Variants in TMEM154 observed in about 807,000 individuals in gnomAD.
The protein encoded by TMEM154 is transmembrane protein 154.
A neutral mutation model predicts 24.5 loss-of-function variants in TMEM154; 27 were observed. That is an observed-to-expected ratio of 1.10 (90% confidence interval 0.81 to 1.52). The LOEUF (loss-of-function observed/expected upper bound fraction) is 1.52, where lower values mean the gene tolerates loss of function less well. TMEM154 is among the 40% of genes most tolerant of loss of function. The pLI is 0.00. For missense variants in TMEM154, 228 were observed against 213.4 expected, an observed-to-expected ratio of 1.07 and a Z score of -0.43; for synonymous variants, 67 against 76.8, an observed-to-expected ratio of 0.87 and a Z score of 0.67.
chr4:152,647,173 C>T, intron 3 of TMEM154: 1 of 983,458 alleles, frequency 1.0e-6, no homozygotes, highest in Non-Finnish European at 1.2e-6. Context: ...GTATAACAGA[C>T]CAGGCTCTAC....
In TMEM154 at chr4:152,679,749, C is replaced by A. The variant is rs540530305; in HGVS notation, c.64+121G>T. ...AAAGGAGTTCTAATTTTCTCCACTT[C>A]TTTCACAGAAAGGATTAGATTTTCT... is the stretch of plus-strand genomic sequence containing the variant. On this transcript the variant is annotated intron_variant, in intron 1 of 6. Transcript: ENST00000304385. 6.7e-4 allele frequency: 958 copies of A among 1,429,610 alleles called. 2 individuals are homozygous for A. The highest frequency in any genetic ancestry group is 8.8e-4 in the Non-Finnish European group (912 of 1,036,882). The allele number at this position is 1,429,610 out of a possible 1,614,324, so 88.6% of individuals were successfully genotyped here.
chr4:152,634,224 A>G (rs1406654916), intron 6 of TMEM154, among the ~76,000 whole-genome samples: 4 of 152,136 alleles, frequency 2.6e-5, no homozygotes, highest in Non-Finnish European at 5.9e-5. Flanking sequence ...TTGTTTCATA[A>G]TTGCCCCTTT....
At chr4:152,629,236 A>T (rs1193976382) in intron 6 of TMEM154, among the ~76,000 whole-genome samples, 1 of 152,136 alleles carries the variant, frequency 6.6e-6, no homozygotes, top group Non-Finnish European at 1.5e-5. Context: ...ATACGTGCCA[A>T]ATTGCCTTTT....
chr4:152,670,489 G>A (rs1308548016), intron 1 of TMEM154, among the ~76,000 whole-genome samples: 1 of 152,052 alleles, frequency 6.6e-6, no homozygotes, highest in South Asian at 2.1e-4. Context: ...CCAGCTACTC[G>A]GGAGGCTGAG....
At chr4:152,650,506 C>G (rs746251862) in intron 3 of TMEM154, among the ~76,000 whole-genome samples, 22 of 152,280 alleles carry the variant, frequency 1.4e-4, no homozygotes, top group Non-Finnish European at 3.1e-4. Context: ...TTCTTTCTAC[C>G]ACATCTGCAG....
chr4:152,667,538 T>TA (rs1269076825), intron 1 of TMEM154, among the ~76,000 whole-genome samples: 1 of 152,216 alleles, frequency 6.6e-6, no homozygotes, highest in Admixed American at 6.5e-5. Flanking sequence ...GCTGTTTTCT[T>TA]ATAAGCTCAG....
intron 1 of TMEM154, among the ~76,000 whole-genome samples, chr4:152,679,019 A>G (rs1460222799): frequency 6.6e-6 from 1 of 152,226 alleles, no homozygotes; most frequent in Non-Finnish European, 1.5e-5. Context: ...CACTAGAAGC[A>G]GTCGGTGTTC....
intron 6 of TMEM154, chr4:152,639,904 TTGTC>T (rs1345544258): frequency 1.3e-5 from 2 of 152,898 alleles, no homozygotes; most frequent in Non-Finnish European, 2.9e-5. Context: ...GAGCTGAGGT[TTGTC>T]TGAGTAAGAC....
rs1751932076 is a variant in TMEM154, at chr4:152,626,876, G to A, written c.*1670C>T. On this transcript the variant is annotated 3_prime_UTR_variant, in exon 7 of 7. Transcript: ENST00000304385. Reference sequence around the variant, plus strand: ...TCAGAAAACAATTGTATGCAATTTTGGCATAAATATCTGAGAGTCACTGTG... The same window carrying A: ...TCAGAAAACAATTGTATGCAATTTTAGCATAAATATCTGAGAGTCACTGTG... 2 of 152,168 alleles carry A rather than the reference G, an allele frequency of 1.3e-5. No individual in the cohort carries two copies. The highest frequency in any genetic ancestry group is 4.8e-5 in the African/African-American group (2 of 41,440). The allele number at this position is 152,168 out of a possible 1,614,324, so 9.4% of individuals were successfully genotyped here. A position where few individuals can be genotyped will look rare whatever the true frequency, so the allele number is the denominator to read the frequency against.
chr4:152,630,378 T>C (rs1380382501), intron 6 of TMEM154, among the ~76,000 whole-genome samples: 2 of 149,916 alleles, frequency 1.3e-5, no homozygotes, highest in African/African-American at 2.4e-5. Flanking sequence ...GTTGAAAACT[T>C]AGAAATGTTT....
chr4:152,644,640 G>A (rs1173542603), intron 3 of TMEM154, among the ~76,000 whole-genome samples, 198 bp from the exon 4 acceptor site: 1 of 152,174 alleles, frequency 6.6e-6, no homozygotes, highest in Non-Finnish European at 1.5e-5. Context: ...TGTGAAATCT[G>A]CTTTCTTTTA....
chr4:152,642,591 A>C (rs1415115499), intron 5 of TMEM154, among the ~76,000 whole-genome samples: 1 of 152,188 alleles, frequency 6.6e-6, no homozygotes, highest in Non-Finnish European at 1.5e-5. Flanking sequence ...TACACTGTCC[A>C]CTTAGTAGCC....
intron 5 of TMEM154, 21 bp downstream of exon 5, chr4:152,643,067 C>A (rs1457877360): frequency 1.3e-6 from 2 of 1,589,294 alleles, no homozygotes; most frequent in Non-Finnish European, 1.7e-6. Context: ...AGAAAAAAAA[C>A]AACTTTAGGT....
intron 6 of TMEM154, among the ~76,000 whole-genome samples, chr4:152,636,473 T>C (rs762998746): frequency 1.9e-4 from 29 of 152,368 alleles, no homozygotes; most frequent in Non-Finnish European, 3.8e-4. Flanking sequence ...ATGAAAACCA[T>C]AGTGTCCACT....
chr4:152,644,295 G>C, intron 4 of TMEM154, 120 bp downstream of exon 4: 1 of 1,115,374 alleles, frequency 9.0e-7, no homozygotes, highest in Non-Finnish European at 1.3e-6. Flanking sequence ...CTCCAACCCC[G>C]CCTGGGAAGC....
intron 1 of TMEM154, among the ~76,000 whole-genome samples, chr4:152,655,819 G>T (rs1050219914): frequency 6.6e-6 from 1 of 152,168 alleles, no homozygotes; most frequent in East Asian, 1.9e-4. Context: ...GCAGGCAGCA[G>T]TGTAGTCACT....
chr4:152,679,375 CTT>C (rs370759340), intron 1 of TMEM154, among the ~76,000 whole-genome samples: 2 of 141,618 alleles, frequency 1.4e-5, no homozygotes, highest in Non-Finnish European at 3.1e-5. Flanking sequence ...TTCCCGTTTC[CTT>C]TTTTTTTTTT....
chr4:152,661,291 TCTCTCTCTCTCTC>T (rs1728599069), intron 1 of TMEM154, among the ~76,000 whole-genome samples: 24 of 56,554 alleles, frequency 4.2e-4, no homozygotes, highest in African/African-American at 1.4e-3. Context: ...TCTTTCTCTC[TCTCTCTCTCTCTC>T]TCTCTCTCTC....
At chr4:152,678,031 C>G (rs893425425) in intron 1 of TMEM154, among the ~76,000 whole-genome samples, 1 of 152,028 alleles carries the variant, frequency 6.6e-6, no homozygotes, top group Non-Finnish European at 1.5e-5. Flanking sequence ...AAGGAGACAT[C>G]AAGGAGGAGA....
Sources: allele counts gnomAD v4.1 joint callset (sites outside exome capture counted in the v4.1 genomes callset), GRCh38; gene constraint gnomAD v4.1.1; transcripts MANE v1.5; gene names NCBI Gene and HGNC (gene_info 2026-07-23, HGNC 2026-07-21).